FNDC3B: variants seen among roughly 807,000 people sequenced by gnomAD.
FNDC3B encodes fibronectin type III domain-containing protein 3B.
FNDC3B carries 12 observed loss-of-function variants against 151.5 expected under a neutral mutation model. The ratio of observed to expected loss-of-function variants is 0.08; its 90% CI spans 0.05 to 0.13. The LOEUF is 0.13. Ranked by LOEUF, FNDC3B falls within the 10% of genes least tolerant of loss-of-function variation. The probability of loss-of-function intolerance (pLI) is 1.00; values close to 1 mark genes in which losing one functional copy is unlikely to be tolerated. For synonymous variants in FNDC3B, 528 were observed against 549.0 expected (o/e 0.96, Z 0.54); for missense variants, 1,214 against 1,505.3 (o/e 0.81, Z 3.20).
intron 3 of FNDC3B, among the ~76,000 whole-genome samples, chr3:172,200,703 A>T (rs1012805737): frequency 1.3e-5 from 2 of 152,218 alleles, no homozygotes; most frequent in Non-Finnish European, 2.9e-5. Flanking sequence ...TGCTGGGTTT[A>T]TCAGAATGTA....
chr3:172,229,960 G>T (rs2108745940), intron 4 of FNDC3B, among the ~76,000 whole-genome samples: 1 of 152,136 alleles, frequency 6.6e-6, no homozygotes, highest in East Asian at 1.9e-4. Flanking sequence ...ATATCCACAT[G>T]CAAAAAGAGT....
chr3:172,148,085 T>C (rs1212231473), intron 3 of FNDC3B, among the ~76,000 whole-genome samples: 3 of 152,096 alleles, frequency 2.0e-5, no homozygotes, highest in Non-Finnish European at 2.9e-5. Flanking sequence ...CCTAATTCAG[T>C]TGCTAATTTT....
intron 3 of FNDC3B, among the ~76,000 whole-genome samples, chr3:172,156,435 G>C (rs1722488019): frequency 6.6e-6 from 1 of 152,352 alleles, no homozygotes; most frequent in Middle Eastern, 3.4e-3. Flanking sequence ...GAGGAAGTGT[G>C]CGCAAGACAT....
chr3:172,096,314 C>G (rs1719091515), intron 1 of FNDC3B, among the ~76,000 whole-genome samples: 1 of 152,138 alleles, frequency 6.6e-6, no homozygotes, highest in Non-Finnish European at 1.5e-5. Context: ...AACGTAGAAA[C>G]AAGGAATTGC....
At chr3:172,234,466 A>G (rs1311917842) in intron 4 of FNDC3B, among the ~76,000 whole-genome samples, 2 of 152,150 alleles carry the variant, frequency 1.3e-5, no homozygotes, top group African/African-American at 4.8e-5. Flanking sequence ...GTGTTTCAGG[A>G]TCTCTGGGGT....
At chr3:172,222,063 A>G (rs1244161762) in intron 3 of FNDC3B, among the ~76,000 whole-genome samples, 1 of 152,188 alleles carries the variant, frequency 6.6e-6, no homozygotes, top group Non-Finnish European at 1.5e-5. Flanking sequence ...TCATCTTGCT[A>G]TGTTGTGATG....
intron 23 of FNDC3B, among the ~76,000 whole-genome samples, chr3:172,376,701 A>G (rs551569590): frequency 6.6e-6 from 1 of 152,310 alleles, no homozygotes; most frequent in Admixed American, 6.5e-5. Flanking sequence ...AAAAATGTTC[A>G]GCCTTTAATA....
At chr3:172,075,567 A>AG (rs1353962678) in intron 1 of FNDC3B, among the ~76,000 whole-genome samples, 1 of 152,180 alleles carries the variant, frequency 6.6e-6, no homozygotes, top group Non-Finnish European at 1.5e-5. Context: ...TTCAACTTTT[A>AG]GAAGGAATCA....
At position 172,249,279 on chromosome 3, in the gene FNDC3B, C is replaced by G. The variant is rs1727943957; in HGVS notation, c.508+1503C>G. 2.6e-5 allele frequency among the ~76,000 whole-genome samples: 4 copies of G among 152,032 alleles called. No homozygotes were observed. In the South Asian group the frequency reaches 8.3e-4, roughly 32 times the overall value. On this transcript the variant is annotated intron_variant, in intron 5 of 25. Coordinates refer to ENST00000415807, the MANE Select transcript of FNDC3B (RefSeq NM_022763.4). ...TTTTAGCAGTCTGTTAGTAGGATGC[C>G]ACATGGTTACTGTTTTGTAAATGCT...
chr3:172,369,404 C>T (rs1734774362), intron 23 of FNDC3B, among the ~76,000 whole-genome samples: 1 of 151,906 alleles, frequency 6.6e-6, no homozygotes, highest in African/African-American at 2.4e-5. Context: ...TCTAGTCATC[C>T]TTTTTTTAAA....
intron 12 of FNDC3B, chr3:172,330,248 G>A (rs901263841): frequency 7.9e-6 from 2 of 252,158 alleles, no homozygotes; most frequent in African/African-American, 4.4e-5. Context: ...CCAATATAAT[G>A]CCCACACGTC....
intron 11 of FNDC3B, among the ~76,000 whole-genome samples, chr3:172,314,125 ACT>A (rs1397533949): frequency 6.6e-6 from 1 of 151,994 alleles, no homozygotes; most frequent in Non-Finnish European, 1.5e-5. Flanking sequence ...CTGTTTCCAG[ACT>A]CTGCCTTAAT....
At chr3:172,179,079 AG>A (rs1337336566) in intron 3 of FNDC3B, among the ~76,000 whole-genome samples, 1 of 152,138 alleles carries the variant, frequency 6.6e-6, no homozygotes, top group Non-Finnish European at 1.5e-5. Context: ...TCATTTATTT[AG>A]GGACAGAGTC....
intron 3 of FNDC3B, among the ~76,000 whole-genome samples, chr3:172,218,773 C>T (rs1391178524): frequency 3.9e-5 from 6 of 152,158 alleles, no homozygotes; most frequent in Non-Finnish European, 2.9e-5. Flanking sequence ...CAAACTCAAG[C>T]CTCTTTAGCG....
chr3:172,097,428 A>G (rs1195004678), intron 1 of FNDC3B, among the ~76,000 whole-genome samples: 1 of 152,204 alleles, frequency 6.6e-6, no homozygotes, highest in Non-Finnish European at 1.5e-5. Context: ...TGTATTCTTT[A>G]GGTCTCTTTG....
intron 1 of FNDC3B, among the ~76,000 whole-genome samples, chr3:172,070,094 A>G (rs925299909): frequency 2.6e-5 from 4 of 152,146 alleles, no homozygotes; most frequent in Non-Finnish European, 4.4e-5. Context: ...TTTCCAGGGC[A>G]TGTATGATGT....
intron 4 of FNDC3B, among the ~76,000 whole-genome samples, chr3:172,237,891 T>C (rs1479920505): frequency 6.6e-6 from 1 of 152,238 alleles, no homozygotes; most frequent in African/African-American, 2.4e-5. Context: ...TTTTTTGTTA[T>C]TATTTAAAGG....
chr3:172,051,273 A>G (rs1359043230), intron 1 of FNDC3B, among the ~76,000 whole-genome samples: 4 of 150,810 alleles, frequency 2.7e-5, no homozygotes, highest in Non-Finnish European at 5.9e-5. Context: ...TTTTTTTAGT[A>G]GAGATGGGGT....
rs184400517 is a variant in FNDC3B, at chr3:172,188,072, T to G, written c.188-38799T>G. 2.6e-5 allele frequency among the ~76,000 whole-genome samples: 4 copies of G among 150,948 alleles called. No homozygotes were observed. In the East Asian group the frequency reaches 5.9e-4, roughly 22 times the overall value. ...GTGCAATGGCGCGATCTCGGCTCAC[T>G]GCAACCTCCGCCTCCCAGGTTCAAG... On this transcript the variant is annotated intron_variant, in intron 3 of 25. Transcript: ENST00000415807.
Sources: allele counts gnomAD v4.1 joint callset (sites outside exome capture counted in the v4.1 genomes callset), GRCh38; gene constraint gnomAD v4.1.1; transcripts MANE v1.5; gene names NCBI Gene and HGNC (gene_info 2026-07-23, HGNC 2026-07-21).